The following DENND1B variants were observed in gnomAD, a reference collection of about 807,000 sequenced individuals.
DENND1B encodes the protein DENN domain-containing protein 1B.
A neutral mutation model predicts 90.1 loss-of-function variants in DENND1B; 59 were observed. The observed-to-expected ratio is 0.65, with a 90% CI of 0.53 to 0.81. DENND1B has a LOEUF of 0.81. Among genes scored for constraint, DENND1B ranks in the 40% least tolerant of loss-of-function variants. The pLI, the probability that DENND1B is intolerant of heterozygous loss-of-function variation, is 0.00. For synonymous variants in DENND1B, 337 were observed against 324.6 expected, an observed-to-expected ratio of 1.04 and a Z score of -0.41; for missense variants, 862 against 912.6, an observed-to-expected ratio of 0.94 and a Z score of 0.71.
chr1:197,539,379 T>C (rs900469241), intron 20 of DENND1B, among the ~76,000 whole-genome samples: 23 of 152,130 alleles, frequency 1.5e-4, no homozygotes, highest in Non-Finnish European at 2.9e-4. Flanking sequence ...ATTTTGTATA[T>C]ACCAATTTTG....
Position 197,651,789 on chromosome 1 carries a change from G to A in DENND1B, c.447+446C>T, listed in dbSNP as rs895113978. On this transcript the variant is annotated intron_variant, in intron 7 of 22. Transcript: ENST00000620048. Reference sequence around the variant, plus strand: ...TCCTGCCTCAGCCTCCTGAGTAGCTGGGACTACAGGCGCCTGCCACCACGC... The same window carrying A: ...TCCTGCCTCAGCCTCCTGAGTAGCTAGGACTACAGGCGCCTGCCACCACGC... Among the ~76,000 whole-genome samples the A allele has an allele frequency of 3.3e-5, 5 of 151,110 alleles. No individual in the cohort carries two copies. In the East Asian group the frequency reaches 9.8e-4, roughly 30 times the overall value.
rs144667191 is a variant in DENND1B at position 197,569,708 on chromosome 1, T to C, written c.1149+13444A>G. Reference sequence around the variant, plus strand: ...AATAAGCCAGGCATCAAAAGACAAATAGTACATGATTTCACTAAAAAAGTC... The same window carrying C: ...AATAAGCCAGGCATCAAAAGACAAACAGTACATGATTTCACTAAAAAAGTC... On this transcript the variant is annotated intron_variant, in intron 15 of 22. Transcript: ENST00000620048. Among the ~76,000 whole-genome samples the C allele has an allele frequency of 3.3e-3, 502 of 151,764 alleles. 1 individual carries two copies. Among genetic ancestry groups the C allele is most frequent in the South Asian group, 8.5e-3 (41 of 4,804 alleles).
intron 15 of DENND1B, among the ~76,000 whole-genome samples, chr1:197,567,207 A>G (rs1191290236): frequency 6.6e-6 from 1 of 152,122 alleles, no homozygotes; most frequent in African/African-American, 2.4e-5. Flanking sequence ...ACAGAAATAT[A>G]AAGAATCATA....
At chr1:197,635,991 G>GA (rs1253576465) in intron 10 of DENND1B, among the ~76,000 whole-genome samples, 10 of 147,216 alleles carry the variant, frequency 6.8e-5, no homozygotes, top group Admixed American at 2.0e-4. Flanking sequence ...AAAAAAGAAA[G>GA]AAAAAAAAAC....
In DENND1B at chr1:197,749,250, C is replaced by G. The variant is rs576854253; in HGVS notation, c.82+23618G>C. On this transcript the variant is annotated intron_variant, in intron 2 of 22. Transcript: ENST00000620048. ...AGCTTCAATAAAATAATGTTCAAAA[C>G]TTTTCTGAATATGTATGTACATATA... Among the ~76,000 whole-genome samples, 8 of 152,136 alleles carry G rather than the reference C, an allele frequency of 5.3e-5. No individual in the cohort carries two copies. The East Asian group carries it at 1.5e-3, about 29-fold the overall frequency.
intron 5 of DENND1B, among the ~76,000 whole-genome samples, chr1:197,660,471 A>C (rs1296367544): frequency 6.6e-6 from 1 of 152,096 alleles, no homozygotes; most frequent in Admixed American, 6.6e-5. Flanking sequence ...AAATGAATGA[A>C]AGTTTCATTT....
At chr1:197,686,773 G>A (rs1358101222) in intron 3 of DENND1B, among the ~76,000 whole-genome samples, 18 of 148,962 alleles carry the variant, frequency 1.2e-4, no homozygotes, top group Admixed American at 6.7e-4. Flanking sequence ...TTTTCAGGCC[G>A]CTTCACAACT....
chr1:197,728,994 T>A (rs952605680), intron 2 of DENND1B, among the ~76,000 whole-genome samples: 29 of 152,130 alleles, frequency 1.9e-4, no homozygotes, highest in African/African-American at 6.3e-4. Flanking sequence ...ATAAAATTTA[T>A]TCCCAATTTC....
chr1:197,545,808 T>C (rs1326117065), intron 18 of DENND1B, 114 bp downstream of exon 18: 1 of 896,212 alleles, frequency 1.1e-6, no homozygotes, highest in Admixed American at 3.3e-5. Context: ...TCCTAATTTT[T>C]TTTTAGGTTT....
intron 3 of DENND1B, among the ~76,000 whole-genome samples, chr1:197,698,723 G>A (rs1357708802): frequency 6.6e-6 from 1 of 151,992 alleles, no homozygotes; most frequent in African/African-American, 2.4e-5. Context: ...AAATGATAAT[G>A]GGGATATCAC....
At chr1:197,611,349 T>C (rs1296114699) in intron 12 of DENND1B, among the ~76,000 whole-genome samples, 1 of 150,778 alleles carries the variant, frequency 6.6e-6, no homozygotes, top group Non-Finnish European at 1.5e-5. Flanking sequence ...GATCTTTCAC[T>C]ATAGGAATAA....
intron 3 of DENND1B, among the ~76,000 whole-genome samples, chr1:197,714,338 T>C (rs1660416351): frequency 6.6e-6 from 1 of 152,074 alleles, no homozygotes; most frequent in Non-Finnish European, 1.5e-5. Context: ...TTACCATATA[T>C]TACATATAAA....
At chr1:197,578,231 GT>G (rs869237915) in intron 15 of DENND1B, among the ~76,000 whole-genome samples, 1 of 147,826 alleles carries the variant, frequency 6.8e-6, no homozygotes, top group Non-Finnish European at 1.5e-5. Context: ...TAGGGTTTTT[GT>G]TTTTGTTGTT....
At chr1:197,605,416 T>G (rs1267815117) in intron 13 of DENND1B, 1 of 151,102 alleles carries the variant, frequency 6.6e-6, no homozygotes, top group Non-Finnish European at 1.5e-5. Context: ...AAGAATCATC[T>G]ATCATTGATT....
At position 197,739,119 on chromosome 1, in the gene DENND1B, TG is replaced by T. The variant is rs765552769; in HGVS notation, c.83-24046del. Among the ~76,000 whole-genome samples, 4 of 152,036 alleles carry T rather than the reference TG, an allele frequency of 2.6e-5. No individual in the cohort carries two copies. In the East Asian group the frequency reaches 5.8e-4, roughly 22 times the overall value. On this transcript the variant is annotated intron_variant, in intron 2 of 22. Coordinates refer to ENST00000620048, the MANE Select transcript of DENND1B (RefSeq NM_001195215.2). ...TGAGGAAAGAATCACCCAAAAGAAA[TG>T]GGGGGGAAATCCCAGGATCAGCTGA...
chr1:197,735,695 C>G, intron 2 of DENND1B: 3 of 1,614,080 alleles, frequency 1.9e-6, no homozygotes, highest in Non-Finnish European at 2.5e-6. Context: ...ACGGGAGGCG[C>G]TACGCCAGGA....
intron 14 of DENND1B, among the ~76,000 whole-genome samples, chr1:197,586,566 G>C (rs556260671): frequency 3.3e-5 from 5 of 152,144 alleles, no homozygotes; most frequent in African/African-American, 1.2e-4. Context: ...TAGATTAAGG[G>C]TCATAAAATG....
At chr1:197,772,014 G>C (rs1320853977) in intron 2 of DENND1B, among the ~76,000 whole-genome samples, 1 of 152,088 alleles carries the variant, frequency 6.6e-6, no homozygotes, top group Non-Finnish European at 1.5e-5. Context: ...AAATTGTACG[G>C]AACTGACAGC....
intron 3 of DENND1B, among the ~76,000 whole-genome samples, chr1:197,680,235 C>G (rs1656540430): frequency 6.6e-6 from 1 of 152,152 alleles, no homozygotes; most frequent in Non-Finnish European, 1.5e-5. Flanking sequence ...GACTACCACT[C>G]TTTTCCCTTG....
Sources: allele counts gnomAD v4.1 joint callset (sites outside exome capture counted in the v4.1 genomes callset), GRCh38; gene constraint gnomAD v4.1.1; transcripts MANE v1.5; gene names NCBI Gene and HGNC (gene_info 2026-07-23, HGNC 2026-07-21).